Variants in SNTG1 observed in about 807,000 individuals in gnomAD.
SNTG1 encodes the protein syntrophin gamma 1.
SNTG1 carries 39 observed loss-of-function variants against 74.7 expected under a neutral mutation model. That is an observed-to-expected ratio of 0.52 (90% CI 0.40 to 0.68). SNTG1 has a LOEUF of 0.68. Ranked by LOEUF, SNTG1 falls within the 30% of genes least tolerant of loss-of-function variation. The pLI, the probability that SNTG1 is intolerant of heterozygous loss-of-function variation, is 0.00. For missense variants in SNTG1, 685 were observed against 609.5 expected (o/e 1.12, Z -1.30); for synonymous variants, 254 against 217.1 (o/e 1.17, Z -1.49).
intron 1 of SNTG1, among the ~76,000 whole-genome samples, chr8:49,985,719 G>A (rs908388473): frequency 6.6e-6 from 1 of 152,060 alleles, no homozygotes; most frequent in African/African-American, 2.4e-5. Flanking sequence ...TCAGCAGAAG[G>A]GATGGTTTTC....
chr8:50,002,077 A>C (rs2130458165), intron 1 of SNTG1, among the ~76,000 whole-genome samples: 1 of 152,308 alleles, frequency 6.6e-6, no homozygotes, highest in Non-Finnish European at 1.5e-5. Flanking sequence ...AACACTAGAC[A>C]TATTTCATAA....
chr8:50,692,454 G>A lies in SNTG1; in HGVS notation c.1039-12146G>A, dbSNP rs985502897. Among the ~76,000 whole-genome samples, 9 of 152,254 alleles carry A rather than the reference G, an allele frequency of 5.9e-5. No individual in the cohort carries two copies. In the East Asian group the frequency reaches 1.7e-3, roughly 29 times the overall value. ...GTGTGGATGTCCTTTCTATTTGTTA[G>A]TTTTCCTTCCAGCAGACAGGACCCT... is the stretch of plus-strand genomic sequence containing the variant. On this transcript the variant is annotated intron_variant, in intron 15 of 18. Coordinates refer to ENST00000642720, the MANE Select transcript of SNTG1 (RefSeq NM_018967.5).
intron 1 of SNTG1, among the ~76,000 whole-genome samples, chr8:49,958,501 A>C (rs565507366): frequency 4.5e-4 from 66 of 147,298 alleles, no homozygotes; most frequent in African/African-American, 1.6e-3. Flanking sequence ...GGCTCACTGC[A>C]ACCTCCACCT....
chr8:50,511,820 A>T (rs2094079521), intron 9 of SNTG1, among the ~76,000 whole-genome samples: 1 of 151,944 alleles, frequency 6.6e-6, no homozygotes, highest in Non-Finnish European at 1.5e-5. Context: ...TCTGCACGTG[A>T]GGTGGGTTTC....
At chr8:50,600,999 C>A (rs1031917393) in intron 13 of SNTG1, among the ~76,000 whole-genome samples, 1 of 151,336 alleles carries the variant, frequency 6.6e-6, no homozygotes, top group African/African-American at 2.4e-5. Flanking sequence ...GAAACCCCAT[C>A]TCTACTGAAA....
intron 2 of SNTG1, among the ~76,000 whole-genome samples, chr8:50,347,652 G>C (rs2091521046): frequency 6.6e-6 from 1 of 152,126 alleles, no homozygotes; most frequent in Admixed American, 6.6e-5. Context: ...CTTCTGAAAA[G>C]GATTCACCAT....
intron 2 of SNTG1, among the ~76,000 whole-genome samples, chr8:50,213,128 G>A (rs75078508): frequency 0.021 from 3,164 of 152,150 alleles, 96 homozygotes; most frequent in African/African-American, 0.066. Flanking sequence ...ATCACTTATC[G>A]AAAATTCTCA....
intron 4 of SNTG1, among the ~76,000 whole-genome samples, chr8:50,430,386 G>A (rs191329367): frequency 5.9e-5 from 9 of 152,120 alleles, no homozygotes; most frequent in Admixed American, 2.0e-4. Flanking sequence ...CCACAACCTC[G>A]TGAAATTTTT....
intron 13 of SNTG1, among the ~76,000 whole-genome samples, chr8:50,630,340 C>G (rs115797506): frequency 6.6e-6 from 1 of 152,126 alleles, no homozygotes; most frequent in African/African-American, 2.4e-5. Flanking sequence ...ATGCAGCAAT[C>G]ATATGCCTTG....
chr8:50,305,615 T>C lies in SNTG1; in HGVS notation c.-27-88597T>C, dbSNP rs1001584998. ...TTTGGTTTTTACTTTGTTTTTGTAT[T>C]TTTTCCAATGTGGAATTTCACTATA... On this transcript the variant is annotated intron_variant, in intron 2 of 18. Transcript: ENST00000642720. Among the ~76,000 whole-genome samples the C allele has an allele frequency of 5.9e-5, 9 of 152,110 alleles. No homozygotes were observed. In the East Asian group the frequency reaches 1.5e-3, roughly 26 times the overall value.
At chr8:50,032,307 G>T (rs1817802385) in intron 1 of SNTG1, among the ~76,000 whole-genome samples, 1 of 150,936 alleles carries the variant, frequency 6.6e-6, no homozygotes, top group Non-Finnish European at 1.5e-5. Context: ...GCTTATTATT[G>T]TTTATTTCTT....
At chr8:50,244,281 C>T (rs1402149525) in intron 2 of SNTG1, among the ~76,000 whole-genome samples, 2 of 152,102 alleles carry the variant, frequency 1.3e-5, no homozygotes, top group African/African-American at 4.8e-5. Flanking sequence ...GGTCCCACTG[C>T]CAACAATGGG....
At chr8:50,596,484 G>A (rs905940255) in intron 13 of SNTG1, among the ~76,000 whole-genome samples, 3 of 151,880 alleles carry the variant, frequency 2.0e-5, no homozygotes, top group Non-Finnish European at 1.5e-5. Context: ...GTGAGGTATA[G>A]ATTAAAGCTA....
At chr8:50,357,526 C>G (rs1273043346) in intron 2 of SNTG1, among the ~76,000 whole-genome samples, 2 of 152,212 alleles carry the variant, frequency 1.3e-5, no homozygotes, top group African/African-American at 4.8e-5. Flanking sequence ...TATCACTACT[C>G]TTCCTGTTAC....
At chr8:50,114,737 C>T (rs1053165297) in intron 1 of SNTG1, among the ~76,000 whole-genome samples, 8 of 152,074 alleles carry the variant, frequency 5.3e-5, no homozygotes, top group South Asian at 2.1e-4. Context: ...TAGATGTGCA[C>T]GCCTGTAGTC....
chr8:50,486,194 T>G (rs1390675461), intron 8 of SNTG1, among the ~76,000 whole-genome samples: 4 of 151,120 alleles, frequency 2.6e-5, no homozygotes, highest in Non-Finnish European at 4.4e-5. Context: ...AGAAAGTCAT[T>G]GGTAGCTTGA....
intron 4 of SNTG1, among the ~76,000 whole-genome samples, chr8:50,420,955 GT>G (rs1377749812): frequency 1.4e-5 from 2 of 147,384 alleles, no homozygotes; most frequent in African/African-American, 5.0e-5. Flanking sequence ...AACCAAGGAG[GT>G]GGAGGTTATG....
Position 50,090,861 on chromosome 8 carries a change from T to C in SNTG1, c.-102-81700T>C, listed in dbSNP as rs563287829. 3.3e-4 allele frequency among the ~76,000 whole-genome samples: 50 copies of C among 152,086 alleles called. No homozygotes were observed. The Middle Eastern group carries it at 0.014, about 41-fold the overall frequency. On this transcript the variant is annotated intron_variant, in intron 1 of 18. Transcript: ENST00000642720. ...AATGCATTGAAGGTAGGAAAAGAAATAGAAGAATGAAAAGATAGCTTTTCT... is the reference window on the plus strand; with the variant it reads ...AATGCATTGAAGGTAGGAAAAGAAACAGAAGAATGAAAAGATAGCTTTTCT...
intron 2 of SNTG1, among the ~76,000 whole-genome samples, chr8:50,290,977 C>T (rs1275767883): frequency 6.6e-6 from 1 of 152,092 alleles, no homozygotes; most frequent in Non-Finnish European, 1.5e-5. Context: ...AGGCTGGTCT[C>T]GATCTCCTGA....
Sources: gnomAD v4.1 joint callset for allele counts (sites outside exome capture counted in the v4.1 genomes callset) on GRCh38, gnomAD v4.1.1 for gene constraint, MANE v1.5 for transcripts, NCBI Gene and HGNC (gene_info 2026-07-23, HGNC 2026-07-21) for gene names.